The following PTPRN2 variants were observed in gnomAD, a reference collection of about 807,000 sequenced individuals.
PTPRN2 encodes protein tyrosine phosphatase receptor type N2, also known as receptor-type tyrosine-protein phosphatase N2.
A neutral mutation model predicts 118.8 loss-of-function variants in PTPRN2; 74 were observed. The observed-to-expected ratio is 0.62, with a 90% confidence interval of 0.52 to 0.76. PTPRN2 has a LOEUF of 0.76. PTPRN2 is among the 30% of genes least tolerant of loss of function. PTPRN2 has a pLI of 0.00. For synonymous variants in PTPRN2, 641 were observed against 608.0 expected (o/e 1.05, Z -0.80); for missense variants, 1,481 against 1,394.4 (o/e 1.06, Z -0.99).
chr7:158,163,733 G>A (rs937114970), intron 6 of PTPRN2, among the ~76,000 whole-genome samples: 10 of 148,798 alleles, frequency 6.7e-5, no homozygotes, highest in East Asian at 2.1e-4. Context: ...TGCCTGTACC[G>A]GGTTCTCAAT....
chr7:158,042,564 T>C (rs1446906467), intron 11 of PTPRN2, among the ~76,000 whole-genome samples: 1 of 152,236 alleles, frequency 6.6e-6, no homozygotes, highest in Non-Finnish European at 1.5e-5. Context: ...GCACTTAACA[T>C]CTTCGCAGTA....
chr7:157,984,019 T>G, intron 11 of PTPRN2, among the ~76,000 whole-genome samples: 1 of 151,990 alleles, frequency 6.6e-6, no homozygotes, highest in East Asian at 1.9e-4. Context: ...AGGGGGCCCG[T>G]GAGATGGAGA....
At chr7:157,901,362 G>A (rs1222372530) in intron 11 of PTPRN2, among the ~76,000 whole-genome samples, 1 of 151,630 alleles carries the variant, frequency 6.6e-6, no homozygotes, top group Non-Finnish European at 1.5e-5. Flanking sequence ...CATGGGGACC[G>A]AATTTCAACA....
chr7:157,719,245 C>A (rs967951769), intron 12 of PTPRN2, among the ~76,000 whole-genome samples: 8 of 152,242 alleles, frequency 5.3e-5, no homozygotes, highest in African/African-American at 1.9e-4. Context: ...AGCTTCCAGG[C>A]CCCTCGTGCC....
In PTPRN2 at chr7:157,978,823, G is replaced by A. The variant is rs567772162; in HGVS notation, c.1724-80086C>T. ...GTGGTGAAGTCGGTCCTGGTTTTGG[G>A]GCCAACCTCACTGCTCGTGGGGCTG... is the stretch of plus-strand genomic sequence containing the variant. On this transcript the variant is annotated intron_variant, in intron 11 of 22. Transcript: ENST00000389418. Among the ~76,000 whole-genome samples, 4 of 152,088 alleles carry A rather than the reference G, an allele frequency of 2.6e-5. No homozygotes were observed. The East Asian group carries it at 7.7e-4, about 29-fold the overall frequency.
At chr7:157,683,686 G>A (rs1797023263) in intron 12 of PTPRN2, among the ~76,000 whole-genome samples, 1 of 152,124 alleles carries the variant, frequency 6.6e-6, no homozygotes, top group Non-Finnish European at 1.5e-5. Flanking sequence ...CGGGGGTAGG[G>A]CTGGTGAAAA....
chr7:158,070,342 CGTGG>C (rs1187394306), intron 11 of PTPRN2, among the ~76,000 whole-genome samples: 2 of 123,856 alleles, frequency 1.6e-5, no homozygotes, highest in Admixed American at 1.7e-4. Flanking sequence ...TGGAGGTGCC[CGTGG>C]TGGTGGAGGT....
chr7:158,002,457 G>A (rs921754179), intron 11 of PTPRN2, among the ~76,000 whole-genome samples: 10 of 152,172 alleles, frequency 6.6e-5, no homozygotes, highest in Admixed American at 2.0e-4. Flanking sequence ...TTTGTTGCCC[G>A]AATCCCCAGT....
At chr7:158,312,316 CCACA>C (rs1274493220) in intron 3 of PTPRN2, among the ~76,000 whole-genome samples, 1 of 45,908 alleles carries the variant, frequency 2.2e-5, no homozygotes, top group African/African-American at 7.1e-5. Flanking sequence ...ACACAGACAC[CCACA>C]CACATCTGCA....
Position 158,273,513 on chromosome 7 carries a change from CAG to C in PTPRN2, c.277+43304_277+43305del, listed in dbSNP as rs1289033070. On this transcript the variant is annotated intron_variant, in intron 3 of 22. Transcript: ENST00000389418. ...CCGCAGGCACAGGGGGAGCCGCAGA[CAG>C]ACATGGGAGGAGCCGCAGACACGGG... Among the ~76,000 whole-genome samples, 548 of 131,508 alleles carry C rather than the reference CAG, an allele frequency of 4.2e-3. 62 individuals carry two copies. Among genetic ancestry groups the C allele is most frequent in the Middle Eastern group, 4.5e-3 (1 of 222 alleles). 86.3% of individuals were successfully genotyped at this position (131,508 alleles called of 152,430 possible).
rs1283734805 is a variant in PTPRN2 at position 158,100,508 on chromosome 7, A to G, written c.1643+10321T>C. Among the ~76,000 whole-genome samples the G allele has an allele frequency of 2.0e-5, 3 of 152,050 alleles. No individual in the cohort carries two copies. The East Asian group carries it at 5.8e-4, about 29-fold the overall frequency. On this transcript the variant is annotated intron_variant, in intron 10 of 22. Transcript: ENST00000389418. The stretch of plus-strand genomic sequence containing the variant: ...TTCCATAGTGGCTGTGCTAGTTTGC[A>G]CTCCCACCAGCAGTGTAGAAGTGTT...
intron 9 of PTPRN2, among the ~76,000 whole-genome samples, chr7:158,129,277 C>T (rs1414343701): frequency 1.1e-4 from 16 of 149,790 alleles, no homozygotes; most frequent in African/African-American, 3.9e-4. Context: ...CACTACACAC[C>T]ACACACAACA....
At chr7:157,963,971 G>A (rs1801721138) in intron 11 of PTPRN2, among the ~76,000 whole-genome samples, 2 of 152,174 alleles carry the variant, frequency 1.3e-5, no homozygotes, top group Non-Finnish European at 2.9e-5. Flanking sequence ...ATAGGTATGA[G>A]CCACTGCACC....
intron 12 of PTPRN2, among the ~76,000 whole-genome samples, chr7:157,709,687 C>T (rs1585280062): frequency 2.6e-5 from 4 of 152,340 alleles, no homozygotes; most frequent in Admixed American, 2.6e-4. Flanking sequence ...ACGCCTGCTC[C>T]AGGAGCTGCG....
chr7:158,524,538 T>TGGAGTCTGCCCTGGAGC (rs1563395292), intron 1 of PTPRN2, among the ~76,000 whole-genome samples: 1,631 of 141,502 alleles, frequency 0.012, 91 homozygotes, highest in African/African-American at 0.044. Context: ...TGCCCTGGAG[T>TGGAGTCTGCCCTGGAGC]GGAGTCTGCC....
At chr7:158,195,463 C>T (rs978181286) in intron 4 of PTPRN2, among the ~76,000 whole-genome samples, 4 of 152,000 alleles carry the variant, frequency 2.6e-5, no homozygotes, top group South Asian at 2.1e-4. Context: ...GCTTATTGAG[C>T]TTTCTGGCTC....
At chr7:158,108,958 G>A (rs541873925) in intron 10 of PTPRN2, among the ~76,000 whole-genome samples, 1 of 152,328 alleles carries the variant, frequency 6.6e-6, no homozygotes, top group South Asian at 2.1e-4. Flanking sequence ...GTGTGAAGGA[G>A]CCAGTGAGTG....
intron 1 of PTPRN2, among the ~76,000 whole-genome samples, chr7:158,582,521 C>G (rs944787188): frequency 2.6e-5 from 4 of 151,834 alleles, no homozygotes. Context: ...GAGTTCAAGA[C>G]CAGCCTGGGC....
At position 158,116,057 on chromosome 7, in the gene PTPRN2, G is replaced by T. The variant is rs143279443; in HGVS notation, c.1557-5142C>A. Among the ~76,000 whole-genome samples, 78 of 152,316 alleles carry T rather than the reference G, an allele frequency of 5.1e-4. 2 individuals carry two copies. The highest frequency in any genetic ancestry group is 1.8e-3 in the African/African-American group (74 of 41,576). On this transcript the variant is annotated intron_variant, in intron 9 of 22. Transcript: ENST00000389418. ...GGTGAAGTAAGGACCTCACCCACGT[G>T]GGGTAGGCTTTGGCTACTGCACCAT...
Sources: gnomAD v4.1 joint callset for allele counts (sites outside exome capture counted in the v4.1 genomes callset) on GRCh38, gnomAD v4.1.1 for gene constraint, MANE v1.5 for transcripts, NCBI Gene and HGNC (gene_info 2026-07-23, HGNC 2026-07-21) for gene names.